The following F10 variants were observed in gnomAD, a reference collection of about 807,000 sequenced individuals.
The protein encoded by F10 is Stuart-Prower factor.
In F10, 29 loss-of-function variants were observed where a neutral mutation model predicts 37.1. The ratio of observed to expected loss-of-function variants is 0.78; its 90% CI spans 0.58 to 1.07. F10 has a LOEUF of 1.07. Ranked by LOEUF, F10 falls within the 50% of genes least tolerant of loss-of-function variation. F10 has a pLI of 0.00. For synonymous variants in F10, 262 were observed against 268.6 expected (o/e 0.98, Z 0.24); for missense variants, 539 against 667.9 (o/e 0.81, Z 2.13).
Position 113,129,476 on chromosome 13 carries a change from A to G in F10, c.95A>G (p.Asn32Ser). 3 of 1,614,030 alleles carry G rather than the reference A, an allele frequency of 1.9e-6. No individual in the cohort carries two copies. The highest frequency in any genetic ancestry group is 2.5e-6 in the Non-Finnish European group (3 of 1,180,030). ...GTGTTCATCCGCAGGGAGCAGGCCA[A>G]CAACATCCTGGCGAGGGTCACGAGG... is the stretch of plus-strand genomic sequence containing the variant. ...ESLFIRREQANNILARVTRAN... is the reference protein window; with the variant it reads ...ESLFIRREQASNILARVTRAN... Residue 32 changes from asparagine to serine, a missense_variant, in exon 2 of 8, where the codon AAC becomes AGC. Coordinates refer to ENST00000375559, the MANE Select transcript of F10 (RefSeq NM_000504.4).
rs1173616557 is a variant in F10, at chr13:113,135,243, C to T, written c.232-3214C>T. On this transcript the variant is annotated intron_variant, in intron 2 of 7. Coordinates refer to ENST00000375559, the MANE Select transcript of F10 (RefSeq NM_000504.4). ...GGGCAACAAGAGCGAAACTCTGTCT[C>T]CAAAAAAAAAAAAACAAAAGAAAAG... Among the ~76,000 whole-genome samples the T allele has an allele frequency of 4.1e-5, 6 of 146,802 alleles. No homozygotes were observed. The East Asian group carries it at 1.2e-3, about 29-fold the overall frequency.
intron 5 of F10, among the ~76,000 whole-genome samples, chr13:113,142,289 C>T (rs2138545740): frequency 6.6e-6 from 1 of 152,214 alleles, no homozygotes; most frequent in East Asian, 1.9e-4. Flanking sequence ...TGCCTGTAAT[C>T]CCAGCATTTT....
chr13:113,143,733 C>T lies in F10; in HGVS notation c.503-118C>T, dbSNP rs938440578. 7.3e-6 allele frequency: 11 copies of T among 1,511,628 alleles called. No homozygotes were observed. Among genetic ancestry groups the T allele is most frequent in the Non-Finnish European group, 7.2e-6 (8 of 1,114,312 alleles). 93.6% of individuals were successfully genotyped at this position (1,511,628 alleles called of 1,614,324 possible). ...CTCGCCCTGCAAGCCCGCTGCCCCT[C>T]CGGGTGCCCCTGCGCTCTGCCTCCC... On this transcript the variant is annotated intron_variant, in intron 5 of 7. Transcript: ENST00000375559. The surrounding 1 kb of genome is among the most constrained non-coding windows in gnomAD (Gnocchi z 6.8).
In F10 at chr13:113,122,942, C is replaced by T. The variant is rs1341484007; in HGVS notation, c.70+17C>T. 2 of 1,607,828 alleles carry T rather than the reference C, an allele frequency of 1.2e-6. No individual in the cohort carries two copies. The highest frequency in any genetic ancestry group is 1.1e-5 in the South Asian group (1 of 91,026). On this transcript the variant is annotated intron_variant, in intron 1 of 7. Coordinates refer to ENST00000375559, the MANE Select transcript of F10 (RefSeq NM_000504.4). ...GGGAAAGTCGTAAGTGCCCCTCGCC[C>T]TTCAGACCCAAAAGCAGCGCCAGGG...
At chr13:113,145,463 T>G (rs1241196259) in intron 6 of F10, among the ~76,000 whole-genome samples, 1 of 152,074 alleles carries the variant, frequency 6.6e-6, no homozygotes, top group Non-Finnish European at 1.5e-5. Context: ...AAATTTCAAT[T>G]TCACATAAAC....
At chr13:113,129,250 G>A (rs1190218627) in intron 1 of F10, among the ~76,000 whole-genome samples, 1 of 152,112 alleles carries the variant, frequency 6.6e-6, no homozygotes, top group Non-Finnish European at 1.5e-5. Flanking sequence ...AGTCTTTCAG[G>A]TTCCTATGGA....
intron 6 of F10, among the ~76,000 whole-genome samples, chr13:113,145,102 C>G (rs561519866): frequency 9.5e-4 from 145 of 152,252 alleles, no homozygotes; most frequent in Non-Finnish European, 1.6e-3. Flanking sequence ...GGATGGTCTC[C>G]ATCTCCTGAC....
chr13:113,137,150 T>C (rs949957161), intron 2 of F10, among the ~76,000 whole-genome samples: 1 of 152,246 alleles, frequency 6.6e-6, no homozygotes, highest in African/African-American at 2.4e-5. Context: ...GGTGTACCCA[T>C]ACAATATAAC....
chr13:113,127,914 G>A (rs1210521788), intron 1 of F10, among the ~76,000 whole-genome samples: 1 of 152,152 alleles, frequency 6.6e-6, no homozygotes, highest in Non-Finnish European at 1.5e-5. Context: ...ACCCTAGGGA[G>A]GGAGAATTCA....
chr13:113,124,630 A>G (rs931249797), intron 1 of F10, among the ~76,000 whole-genome samples: 1 of 152,244 alleles, frequency 6.6e-6, no homozygotes, highest in Admixed American at 6.5e-5. Context: ...TTTGATTTTA[A>G]TAAAATCAGA....
Position 113,122,913 on chromosome 13 carries a change from C to T in F10, c.58C>T (p.Leu20Phe), listed in dbSNP as rs1178574775. 1 of 1,610,138 alleles carries T rather than the reference C, an allele frequency of 6.2e-7. No homozygotes were observed. The highest frequency in any genetic ancestry group is 2.2e-5 in the East Asian group (1 of 44,882). Residue 20 changes from leucine to phenylalanine, a missense_variant, in exon 1 of 8, where the codon CTC (leucine) becomes TTC (phenylalanine). Leu to Phe is a conservative substitution (Grantham distance 22). Around this residue, in one of 2 missense-constraint regions of F10, gnomAD observed 130 missense variants for 120.0 expected, o/e 1.08. Transcript: ENST00000375559. ...LSASLAGLLL[L>F]GESLFIRREQ... ...TGCCTCCCTGGCTGGCCTCCTGCTG[C>T]TCGGGGAAAGTCGTAAGTGCCCCTC...
intron 1 of F10, among the ~76,000 whole-genome samples, chr13:113,126,091 G>A (rs2036367653): frequency 6.6e-6 from 1 of 152,172 alleles, no homozygotes; most frequent in African/African-American, 2.4e-5. Flanking sequence ...TCAGCGCAGA[G>A]CCCAGTGTGG....
At chr13:113,147,806 A>G (rs550401100) in intron 7 of F10, among the ~76,000 whole-genome samples, 2 of 151,936 alleles carry the variant, frequency 1.3e-5, no homozygotes, top group Non-Finnish European at 2.9e-5. Flanking sequence ...TCTGTGTCTC[A>G]GTGTCTTTTA....
At chr13:113,129,956 T>G (rs899652442) in intron 2 of F10, 1 of 352,916 alleles carries the variant, frequency 2.8e-6, no homozygotes. Flanking sequence ...CCTCGCCGAG[T>G]TGCAGTGAGC....
intron 1 of F10, chr13:113,128,530 T>C (rs1292501551): frequency 6.6e-6 from 1 of 152,194 alleles, no homozygotes; most frequent in Non-Finnish European, 1.5e-5. Context: ...TTAGAGGGAA[T>C]AGATGGCAAC....
At chr13:113,123,911 C>T (rs868300623) in intron 1 of F10, among the ~76,000 whole-genome samples, 2 of 152,172 alleles carry the variant, frequency 1.3e-5, no homozygotes, top group African/African-American at 4.8e-5. Flanking sequence ...TACTGTGTGG[C>T]TCCAACTCGC....
chr13:113,130,860 C>T (rs1480187945), intron 2 of F10: 1 of 152,224 alleles, frequency 6.6e-6, no homozygotes, highest in African/African-American at 2.4e-5. Flanking sequence ...AATAAACTGC[C>T]TCAGGGAGAC....
Position 113,122,871 on chromosome 13 carries a change from C to A in F10, c.16C>A (p.His6Asn). MGRPLHLVLLSASLAG... is the reference protein window; with the variant it reads MGRPLNLVLLSASLAG... ...CGGCCACACCATGGGGCGCCCACTG[C>A]ACCTCGTCCTGCTCAGTGCCTCCCT... is the stretch of plus-strand genomic sequence containing the variant. Residue 6 changes from histidine (H) to asparagine (N), a missense_variant, in exon 1 of 8, where the codon CAC becomes AAC. By Grantham distance (68) the His-to-Asn change is moderately conservative. Around this residue, in one of 2 missense-constraint regions of F10, gnomAD observed 130 missense variants for 120.0 expected, o/e 1.08. Coordinates refer to ENST00000375559, the MANE Select transcript of F10 (RefSeq NM_000504.4). The A allele has an allele frequency of 6.2e-7, 1 of 1,610,776 alleles. No homozygotes were observed. Among genetic ancestry groups the A allele is most frequent in the Non-Finnish European group, 8.5e-7 (1 of 1,180,024 alleles).
intron 7 of F10, among the ~76,000 whole-genome samples, chr13:113,148,344 AAATATATAT>A (rs2036601680): frequency 9.6e-6 from 1 of 104,400 alleles, no homozygotes; most frequent in African/African-American, 3.8e-5. Flanking sequence ...AAAAAAAAAA[AAATATATAT>A]ATATATATAT....
Sources: allele counts gnomAD v4.1 joint callset (sites outside exome capture counted in the v4.1 genomes callset), GRCh38; gene constraint gnomAD v4.1.1; regional missense constraint gnomAD v4.1.1; non-coding constraint Gnocchi (gnomAD v3.1); transcripts MANE v1.5; gene names NCBI Gene and HGNC (gene_info 2026-07-23, HGNC 2026-07-21).